Variants in MLLT3 observed in about 807,000 individuals in gnomAD.
The protein encoded by MLLT3 is MLLT3 super elongation complex subunit.
MLLT3 carries 4 observed loss-of-function variants against 53.2 expected under a neutral mutation model. The ratio of observed to expected loss-of-function variants is 0.08; its 90% confidence interval spans 0.04 to 0.17. The LOEUF (loss-of-function observed/expected upper bound fraction) is 0.17, where lower values mean the gene tolerates loss of function less well. Among genes scored for constraint, MLLT3 ranks in the 10% least tolerant of loss-of-function variants. The pLI is 1.00. For missense variants in MLLT3, 569 were observed against 684.0 expected, an observed-to-expected ratio of 0.83 and a Z score of 1.87; for synonymous variants, 283 against 230.6, an observed-to-expected ratio of 1.23 and a Z score of -2.06.
At chr9:20,429,002 G>T (rs565316634) in intron 4 of MLLT3, among the ~76,000 whole-genome samples, 1 of 152,180 alleles carries the variant, frequency 6.6e-6, no homozygotes, top group Non-Finnish European at 1.5e-5. Flanking sequence ...AAAACATCAA[G>T]CCCACAGGGT....
intron 2 of MLLT3, among the ~76,000 whole-genome samples, chr9:20,612,252 T>C (rs1309325082): frequency 6.6e-6 from 1 of 152,164 alleles, no homozygotes; most frequent in Non-Finnish European, 1.5e-5. Flanking sequence ...TGATTAAAAG[T>C]AAAATGAAAG....
intron 2 of MLLT3, among the ~76,000 whole-genome samples, chr9:20,521,461 T>C (rs1315247405): frequency 5.1e-5 from 2 of 39,028 alleles, no homozygotes; most frequent in African/African-American, 2.1e-4. Flanking sequence ...TGTGTATATG[T>C]GTGTGTGTGT....
At chr9:20,397,489 C>A (rs1822352250) in intron 5 of MLLT3, among the ~76,000 whole-genome samples, 2 of 152,096 alleles carry the variant, frequency 1.3e-5, no homozygotes, top group Admixed American at 1.3e-4. Context: ...ATTACTTGAG[C>A]TTCTTTTGAC....
intron 5 of MLLT3, among the ~76,000 whole-genome samples, chr9:20,397,917 C>A (rs1180029011): frequency 6.6e-6 from 1 of 151,958 alleles, no homozygotes. Flanking sequence ...AATACAAGTG[C>A]CAACAAAGAC....
At chr9:20,432,538 T>C (rs1424565941) in intron 4 of MLLT3, among the ~76,000 whole-genome samples, 4 of 152,140 alleles carry the variant, frequency 2.6e-5, no homozygotes, top group Admixed American at 2.6e-4. Flanking sequence ...ACTTCAGCAA[T>C]ACCCCTTTGT....
chr9:20,396,180 T>A (rs548192065), intron 5 of MLLT3, among the ~76,000 whole-genome samples: 1 of 151,944 alleles, frequency 6.6e-6, no homozygotes, highest in African/African-American at 2.4e-5. Flanking sequence ...TAAGAGAAAG[T>A]CATCTCTTTT....
At chr9:20,582,971 G>C (rs1331699789) in intron 2 of MLLT3, among the ~76,000 whole-genome samples, 1 of 152,052 alleles carries the variant, frequency 6.6e-6, no homozygotes, top group Non-Finnish European at 1.5e-5. Context: ...CTCCCCCAAA[G>C]TCTTAACTCA....
chr9:20,500,665 C>T (rs757970488), intron 2 of MLLT3, among the ~76,000 whole-genome samples: 5 of 152,138 alleles, frequency 3.3e-5, no homozygotes, highest in Non-Finnish European at 7.3e-5. Flanking sequence ...ACTGACATGC[C>T]CAGGCTCAAT....
chr9:20,574,226 C>T (rs1307686184), intron 2 of MLLT3, among the ~76,000 whole-genome samples: 2 of 152,026 alleles, frequency 1.3e-5, no homozygotes, highest in East Asian at 3.9e-4. Flanking sequence ...CTGCTTTATA[C>T]CAATAAAAAA....
At chr9:20,449,912 G>A (rs1052036294) in intron 3 of MLLT3, among the ~76,000 whole-genome samples, 7 of 152,246 alleles carry the variant, frequency 4.6e-5, no homozygotes, top group African/African-American at 1.7e-4. Context: ...TTCCCAAGGA[G>A]ATGACACCCA....
chr9:20,475,296 G>A (rs1824492485), intron 2 of MLLT3, among the ~76,000 whole-genome samples: 3 of 151,952 alleles, frequency 2.0e-5, no homozygotes, highest in South Asian at 4.2e-4. Context: ...TAGCCAAACA[G>A]GTATCTCTCA....
At chr9:20,429,794 C>T (rs1003692191) in intron 4 of MLLT3, among the ~76,000 whole-genome samples, 1 of 152,098 alleles carries the variant, frequency 6.6e-6, no homozygotes, top group African/African-American at 2.4e-5. Context: ...GAGATAAATT[C>T]CTTAACTTGA....
intron 2 of MLLT3, among the ~76,000 whole-genome samples, chr9:20,489,885 T>C (rs1352130534): frequency 6.6e-6 from 1 of 152,160 alleles, no homozygotes; most frequent in East Asian, 1.9e-4. Flanking sequence ...CAAATCAAAC[T>C]CCTGTAATAC....
rs146694858 is a variant in MLLT3, at chr9:20,489,727, G to A, written c.194-32941C>T. Among the ~76,000 whole-genome samples, 540 of 152,280 alleles carry A rather than the reference G, an allele frequency of 3.5e-3. 3 individuals are homozygous for A. The highest frequency in any genetic ancestry group is 0.011 in the African/African-American group (464 of 41,542). On this transcript the variant is annotated intron_variant, in intron 2 of 10. Coordinates refer to ENST00000380338, the MANE Select transcript of MLLT3 (RefSeq NM_004529.4). ...CAATGCAAAACAACTCAGGGTCTGT[G>A]CTCCAATGACAGTAAGTCTGTCGTA...
At chr9:20,439,340 A>G (rs978722152) in intron 4 of MLLT3, among the ~76,000 whole-genome samples, 2 of 151,972 alleles carry the variant, frequency 1.3e-5, no homozygotes, top group Non-Finnish European at 2.9e-5. Flanking sequence ...TGGGTGACAG[A>G]GCAAGACTCC....
intron 2 of MLLT3, among the ~76,000 whole-genome samples, chr9:20,485,855 G>C (rs776952085): frequency 4.6e-5 from 7 of 152,134 alleles, no homozygotes; most frequent in Non-Finnish European, 1.0e-4. Flanking sequence ...GGAATAAGGT[G>C]AAATTTTTAC....
At position 20,448,363 on chromosome 9, in the gene MLLT3, C is replaced by G; in HGVS notation, c.277-97G>C. The stretch of plus-strand genomic sequence containing the variant: ...ACTCCTCATAAGAAATAGAAAAGAA[C>G]TAAGACATCTAACAGCTAAACTGTC... On this transcript the variant is annotated intron_variant, in intron 3 of 10. Transcript: ENST00000380338. The surrounding 1 kb of genome is among the most constrained non-coding windows in gnomAD (Gnocchi z 4.0). The G allele has an allele frequency of 9.2e-7, 1 of 1,091,682 alleles. No individual in the cohort carries two copies. The highest frequency in any genetic ancestry group is 1.3e-6 in the Non-Finnish European group (1 of 758,698). 67.6% of individuals were successfully genotyped at this position (1,091,682 alleles called of 1,614,324 possible).
In MLLT3 at chr9:20,540,594, C is replaced by T. The variant is rs114088335; in HGVS notation, c.193+80060G>A. ...GAAGTGGGTGGGGCTGGAGATGGAG[C>T]AGCTGGGACACAGGGTGCCATGTCT... On this transcript the variant is annotated intron_variant, in intron 2 of 10. Coordinates refer to ENST00000380338, the MANE Select transcript of MLLT3 (RefSeq NM_004529.4). Among the ~76,000 whole-genome samples, 852 of 152,316 alleles carry T rather than the reference C, an allele frequency of 5.6e-3. 8 individuals are homozygous for T. The highest frequency in any genetic ancestry group is 0.019 in the African/African-American group (799 of 41,582).
chr9:20,515,495 A>G (rs1817887631), intron 2 of MLLT3, among the ~76,000 whole-genome samples: 1 of 152,168 alleles, frequency 6.6e-6, no homozygotes, highest in Non-Finnish European at 1.5e-5. Flanking sequence ...TATCTGACTG[A>G]TAGGAGAAAA....
Sources: allele counts gnomAD v4.1 joint callset (sites outside exome capture counted in the v4.1 genomes callset), GRCh38; gene constraint gnomAD v4.1.1; non-coding constraint Gnocchi (gnomAD v3.1); transcripts MANE v1.5; gene names NCBI Gene and HGNC (gene_info 2026-07-23, HGNC 2026-07-21).